Variants in ORC5 observed in about 807,000 individuals in gnomAD.
The protein encoded by ORC5 is protein phosphatase 1, regulatory subunit 117.
ORC5 carries 39 observed loss-of-function variants against 58.8 expected under a neutral mutation model. The observed-to-expected ratio is 0.66, with a 90% CI of 0.51 to 0.87. The LOEUF (loss-of-function observed/expected upper bound fraction) is 0.87. ORC5 is among the 40% of genes least tolerant of loss of function. ORC5 has a pLI of 0.00. For synonymous variants in ORC5, 218 were observed against 177.6 expected (o/e 1.23, Z -1.81); for missense variants, 493 against 506.3 (o/e 0.97, Z 0.25).
intron 6 of ORC5, among the ~76,000 whole-genome samples, chr7:104,187,262 G>C (rs1477373762): frequency 6.6e-6 from 1 of 152,208 alleles, no homozygotes; most frequent in African/African-American, 2.4e-5. Flanking sequence ...TTAGTGATAA[G>C]CTTGAACTGG....
intron 5 of ORC5, among the ~76,000 whole-genome samples, chr7:104,193,961 C>A (rs1799736251): frequency 6.6e-6 from 1 of 151,474 alleles, no homozygotes; most frequent in Admixed American, 6.6e-5. Context: ...TCTGTAATTA[C>A]TTACATTAAT....
At chr7:104,151,338 TA>T (rs1798843609) in intron 12 of ORC5, among the ~76,000 whole-genome samples, 1 of 152,086 alleles carries the variant, frequency 6.6e-6, no homozygotes, top group Non-Finnish European at 1.5e-5. Context: ...AACTGCCTAA[TA>T]AGGAAGCTAC....
At chr7:104,197,057 T>C (rs1799816509) in intron 4 of ORC5, among the ~76,000 whole-genome samples, 3 of 152,214 alleles carry the variant, frequency 2.0e-5, no homozygotes, top group African/African-American at 7.2e-5. Flanking sequence ...GGCCATGACA[T>C]TCACAGTAGA....
At chr7:104,158,390 C>T (rs1798963931) in intron 12 of ORC5, among the ~76,000 whole-genome samples, 1 of 152,104 alleles carries the variant, frequency 6.6e-6, no homozygotes, top group Non-Finnish European at 1.5e-5. Flanking sequence ...AAAACCTAGG[C>T]AATACCATTC....
At chr7:104,189,608 T>TA (rs879769570) in intron 5 of ORC5, among the ~76,000 whole-genome samples, 13 of 152,028 alleles carry the variant, frequency 8.6e-5, no homozygotes, top group Non-Finnish European at 1.8e-4. Context: ...GGCACCTCCA[T>TA]AAAAAAATCC....
chr7:104,146,082 T>C (rs1208711292), intron 12 of ORC5, among the ~76,000 whole-genome samples: 1 of 152,062 alleles, frequency 6.6e-6, no homozygotes, highest in East Asian at 1.9e-4. Flanking sequence ...GAACGAACAG[T>C]GGAAAGAGGA....
rs773809208 is a variant in ORC5, at chr7:104,200,989, A to C, written c.166-31T>G. 1.2e-5 allele frequency: 19 copies of C among 1,565,228 alleles called. No homozygotes were observed. The East Asian group carries it at 4.4e-4, about 36-fold the overall frequency. On this transcript the variant is annotated intron_variant, in intron 2 of 13. Coordinates refer to ENST00000297431, the MANE Select transcript of ORC5 (RefSeq NM_002553.4). ...AACGAAAACCAAAACACTGTAAGTA[A>C]AGAAGAAAACACACAAACACAATAA... is the stretch of plus-strand genomic sequence containing the variant.
rs1420629806 is a variant in ORC5, at chr7:104,173,337, CAG to C, written c.825-4814_825-4813del. Among the ~76,000 whole-genome samples, 3 of 152,202 alleles carry C rather than the reference CAG, an allele frequency of 2.0e-5. No individual in the cohort carries two copies. The East Asian group carries it at 5.8e-4, about 29-fold the overall frequency. On this transcript the variant is annotated intron_variant, in intron 8 of 13. Transcript: ENST00000297431. ...GCCTCTCTTTACCTTCCTGAATATG[CAG>C]AGTTTACTACAGCATATGCATTCCC...
chr7:104,154,868 T>C (rs1421211119), intron 12 of ORC5, among the ~76,000 whole-genome samples: 3 of 151,824 alleles, frequency 2.0e-5, no homozygotes. Flanking sequence ...CAAAATCTAT[T>C]TTTGGTGTAA....
At chr7:104,166,162 T>C (rs1362507020) in intron 10 of ORC5, among the ~76,000 whole-genome samples, 2 of 152,204 alleles carry the variant, frequency 1.3e-5, no homozygotes, top group Non-Finnish European at 2.9e-5. Context: ...AAAGAGGACC[T>C]ACTTTAAGAT....
At chr7:104,135,048 A>C (rs1798568316) in intron 13 of ORC5, among the ~76,000 whole-genome samples, 1 of 152,182 alleles carries the variant, frequency 6.6e-6, no homozygotes, top group Non-Finnish European at 1.5e-5. Flanking sequence ...GGATGTGTCT[A>C]ACATCCATCA....
chr7:104,182,855 C>T (rs1172235086), intron 8 of ORC5, among the ~76,000 whole-genome samples: 1 of 152,104 alleles, frequency 6.6e-6, no homozygotes, highest in East Asian at 1.9e-4. Context: ...TCTGCAGTGA[C>T]CGGGTGTGGT....
intron 12 of ORC5, among the ~76,000 whole-genome samples, chr7:104,151,179 C>T (rs932000510): frequency 2.0e-5 from 3 of 152,082 alleles, no homozygotes; most frequent in African/African-American, 7.2e-5. Flanking sequence ...TGAATGTAGA[C>T]TTGGTTCTGT....
At chr7:104,191,963 G>A (rs1799686236) in intron 5 of ORC5, among the ~76,000 whole-genome samples, 1 of 152,082 alleles carries the variant, frequency 6.6e-6, no homozygotes, top group African/African-American at 2.4e-5. Flanking sequence ...ACACACTATA[G>A]AAAACAACTA....
Position 104,153,364 on chromosome 7 carries a change from G to A in ORC5, c.1149+7708C>T, listed in dbSNP as rs149022832. On this transcript the variant is annotated intron_variant, in intron 12 of 13. Coordinates refer to ENST00000297431, the MANE Select transcript of ORC5 (RefSeq NM_002553.4). ...AGTGGAGACTGAGCATCATGGCGGT[G>A]ATGCTCTTAGAATCTAGAAAAGAGC... Among the ~76,000 whole-genome samples the A allele has an allele frequency of 1.4e-4, 21 of 152,262 alleles. No homozygotes were observed. The East Asian group carries it at 4.1e-3, about 29-fold the overall frequency.
chr7:104,182,005 T>G (rs1010090849), intron 8 of ORC5, among the ~76,000 whole-genome samples: 3 of 152,176 alleles, frequency 2.0e-5, no homozygotes, highest in Admixed American at 6.5e-5. Flanking sequence ...AAAGCTATAA[T>G]GTACCTGTTA....
At chr7:104,175,125 G>A (rs1012446667) in intron 8 of ORC5, among the ~76,000 whole-genome samples, 1 of 152,056 alleles carries the variant, frequency 6.6e-6, no homozygotes, top group African/African-American at 2.4e-5. Flanking sequence ...CTCTCCTTCT[G>A]CCTTGTGCTT....
intron 4 of ORC5, 61 bp downstream of exon 4, chr7:104,197,664 C>A (rs59290626): frequency 0.077 from 87,402 of 1,140,352 alleles, 6,717 homozygotes; most frequent in African/African-American, 0.37. Context: ...AAATGAAAAA[C>A]TTTTACAACA....
chr7:104,160,060 T>C (rs996599975), intron 12 of ORC5, among the ~76,000 whole-genome samples: 1 of 152,194 alleles, frequency 6.6e-6, no homozygotes, highest in Admixed American at 6.5e-5. Context: ...TCTACCTATA[T>C]AGCTAACTAT....
Sources: gnomAD v4.1 joint callset for allele counts (sites outside exome capture counted in the v4.1 genomes callset) on GRCh38, gnomAD v4.1.1 for gene constraint, MANE v1.5 for transcripts, NCBI Gene and HGNC (gene_info 2026-07-23, HGNC 2026-07-21) for gene names.